The following KCNN2 variants were observed in gnomAD, a reference collection of about 807,000 sequenced individuals.
KCNN2 encodes the protein potassium calcium-activated channel subfamily N member 2.
KCNN2 carries 24 observed loss-of-function variants against 55.5 expected under a neutral mutation model. That is an observed-to-expected ratio of 0.43 (90% CI 0.31 to 0.61). The LOEUF (loss-of-function observed/expected upper bound fraction) is 0.61, where lower values mean the gene tolerates loss of function less well. KCNN2 is among the 20% of genes least tolerant of loss of function. KCNN2 has a pLI of 0.08. For missense variants in KCNN2, 754 were observed against 853.6 expected, an observed-to-expected ratio of 0.88 and a Z score of 1.45; for synonymous variants, 431 against 336.1, an observed-to-expected ratio of 1.28 and a Z score of -3.09.
intron 1 of KCNN2, among the ~76,000 whole-genome samples, chr5:114,082,515 T>G (rs552626211): frequency 7.9e-5 from 12 of 152,224 alleles, no homozygotes; most frequent in African/African-American, 2.9e-4. Flanking sequence ...ATACCTACTG[T>G]GGAAAATAGT....
At chr5:114,476,413 T>C (rs1177756509) in intron 5 of KCNN2, among the ~76,000 whole-genome samples, 2 of 152,086 alleles carry the variant, frequency 1.3e-5, no homozygotes, top group Admixed American at 1.3e-4. Flanking sequence ...AAATATACTC[T>C]AGTAGGCTTG....
At chr5:114,119,449 G>GCACA (rs1340360530) in intron 1 of KCNN2, among the ~76,000 whole-genome samples, 2 of 152,100 alleles carry the variant, frequency 1.3e-5, no homozygotes, top group African/African-American at 4.8e-5. Context: ...ATGAATTTAT[G>GCACA]CACACCAGTT....
chr5:114,490,006 C>T (rs903226118), intron 6 of KCNN2, among the ~76,000 whole-genome samples: 3 of 152,180 alleles, frequency 2.0e-5, no homozygotes, highest in Admixed American at 2.0e-4. Flanking sequence ...CATAGCCTCT[C>T]TACTCTGTTG....
chr5:114,444,982 T>C (rs1196224218), intron 3 of KCNN2, among the ~76,000 whole-genome samples: 1 of 152,150 alleles, frequency 6.6e-6, no homozygotes, highest in Non-Finnish European at 1.5e-5. Flanking sequence ...AACCAGCAGG[T>C]TGTTTATTTA....
intron 2 of KCNN2, among the ~76,000 whole-genome samples, chr5:114,349,649 A>G (rs1757172401): frequency 6.6e-6 from 1 of 152,034 alleles, no homozygotes; most frequent in Non-Finnish European, 1.5e-5. Flanking sequence ...TTATATACTT[A>G]TCAGTTGATG....
intron 1 of KCNN2, among the ~76,000 whole-genome samples, chr5:114,202,789 T>C (rs1256619734): frequency 1.3e-5 from 2 of 151,892 alleles, no homozygotes; most frequent in Non-Finnish European, 2.9e-5. Context: ...GGTTTCACCG[T>C]GTTAGCCAGG....
intron 1 of KCNN2, among the ~76,000 whole-genome samples, chr5:114,075,554 G>A (rs1434096826): frequency 6.6e-6 from 1 of 152,086 alleles, no homozygotes; most frequent in South Asian, 2.1e-4. Flanking sequence ...TGTCATATTG[G>A]CAAGCAAAAA....
intron 3 of KCNN2, among the ~76,000 whole-genome samples, chr5:114,407,935 A>C (rs1758989743): frequency 1.3e-5 from 2 of 152,222 alleles, no homozygotes; most frequent in South Asian, 4.1e-4. Context: ...AGGTTGCGAA[A>C]GAACAGTTAG....
intron 5 of KCNN2, among the ~76,000 whole-genome samples, chr5:114,478,107 A>G (rs1279774864): frequency 2.0e-5 from 3 of 152,168 alleles, no homozygotes; most frequent in African/African-American, 7.2e-5. Flanking sequence ...GAGAGGTTGG[A>G]GCATGAACAA....
intron 1 of KCNN2, among the ~76,000 whole-genome samples, chr5:114,168,368 C>T (rs1278068784): frequency 6.6e-6 from 1 of 151,878 alleles, no homozygotes; most frequent in African/African-American, 2.4e-5. Flanking sequence ...GCTATTTTTG[C>T]CTAAAAGACG....
chr5:114,449,908 A>ACACACACACACACACACACACACGCGCG (rs1309590184), intron 3 of KCNN2, among the ~76,000 whole-genome samples: 87 of 66,164 alleles, frequency 1.3e-3, no homozygotes, highest in African/African-American at 2.9e-3. Flanking sequence ...ACACACACAC[A>ACACACACACACACACACACACACGCGCG]CGCGCGCGCT....
intron 1 of KCNN2, among the ~76,000 whole-genome samples, chr5:114,080,549 A>G (rs369454517): frequency 3.1e-4 from 47 of 152,022 alleles, no homozygotes; most frequent in Non-Finnish European, 5.1e-4. Context: ...CATTTTTTCT[A>G]TTTTGACAAA....
intron 2 of KCNN2, among the ~76,000 whole-genome samples, chr5:114,333,205 A>C (rs769814803): frequency 7.9e-5 from 12 of 152,376 alleles, no homozygotes; most frequent in Non-Finnish European, 1.6e-4. Flanking sequence ...TGAAGATAAA[A>C]CACGGGAGCC....
intron 1 of KCNN2, among the ~76,000 whole-genome samples, chr5:114,092,950 A>G (rs758833613): frequency 4.0e-5 from 6 of 151,838 alleles, no homozygotes; most frequent in Non-Finnish European, 2.9e-5. Flanking sequence ...CCTTAGAGAC[A>G]TTTTCTCCAT....
chr5:114,334,932 G>C (rs1756893923), intron 2 of KCNN2, among the ~76,000 whole-genome samples: 1 of 148,210 alleles, frequency 6.7e-6, no homozygotes, highest in Admixed American at 6.8e-5. Flanking sequence ...GCACATTGCA[G>C]TTTTTTTTTT....
chr5:114,210,698 G>A (rs1014249086), intron 1 of KCNN2, among the ~76,000 whole-genome samples: 1 of 152,118 alleles, frequency 6.6e-6, no homozygotes, highest in Admixed American at 6.6e-5. Flanking sequence ...TACTCATCAA[G>A]CCAAATTGTA....
intron 2 of KCNN2, among the ~76,000 whole-genome samples, chr5:114,284,433 T>C (rs1472929157): frequency 6.6e-6 from 1 of 152,218 alleles, no homozygotes; most frequent in Non-Finnish European, 1.5e-5. Context: ...TTGTGAGTTT[T>C]CATCTTATGT....
At position 114,085,523 on chromosome 5, in the gene KCNN2, T is replaced by C. The variant is rs549598256; in HGVS notation, c.-271+29023T>C. On this transcript the variant is annotated intron_variant, in intron 1 of 10. Coordinates refer to the KCNN2 transcript ENST00000512097. The stretch of plus-strand genomic sequence containing the variant: ...TGGTATATCAGGAAAAAATTCACTT[T>C]TGTATATAACCTTATATCTACAACC... 3.9e-5 allele frequency among the ~76,000 whole-genome samples: 6 copies of C among 152,154 alleles called. No individual in the cohort carries two copies. The East Asian group carries it at 1.2e-3, about 29-fold the overall frequency.
At chr5:114,361,364 T>C (rs979018820), upstream of KCNN2, among the ~76,000 whole-genome samples, 1 of 151,744 alleles carries the variant, frequency 6.6e-6, no homozygotes, top group African/African-American at 2.4e-5. Flanking sequence ...GCCTGCCGGC[T>C]GGGAAAGATC....
Sources: allele counts gnomAD v4.1 joint callset (sites outside exome capture counted in the v4.1 genomes callset), GRCh38; gene constraint gnomAD v4.1.1; transcripts MANE v1.5; gene names NCBI Gene and HGNC (gene_info 2026-07-23, HGNC 2026-07-21).